The following MAK variants were observed in gnomAD, a reference collection of about 807,000 sequenced individuals.
MAK encodes serine/threonine-protein kinase MAK.
Under a neutral mutation model 82.6 loss-of-function variants are expected in MAK, and 65 were observed. The ratio of observed to expected loss-of-function variants is 0.79; its 90% CI spans 0.64 to 0.97. MAK has a LOEUF of 0.97. Ranked by LOEUF, MAK falls within the 50% of genes least tolerant of loss-of-function variation. MAK has a pLI of 0.00. For missense variants in MAK, 703 were observed against 780.2 expected (o/e 0.90, Z 1.18); for synonymous variants, 250 against 274.2 (o/e 0.91, Z 0.87).
At chr6:10,777,246 A>G (rs1773538912) in intron 11 of MAK, among the ~76,000 whole-genome samples, 1 of 151,938 alleles carries the variant, frequency 6.6e-6, no homozygotes, top group South Asian at 2.1e-4. Flanking sequence ...GTCTCTACTA[A>G]AAGAATACAA....
chr6:10,822,088 A>T (rs536687913), intron 2 of MAK, among the ~76,000 whole-genome samples: 4 of 144,254 alleles, frequency 2.8e-5, no homozygotes, highest in Non-Finnish European at 6.0e-5. Flanking sequence ...CAGAGCTTGC[A>T]GTGAGCTGAG....
chr6:10,808,055 G>A (rs756416047), intron 6 of MAK, among the ~76,000 whole-genome samples: 36 of 151,426 alleles, frequency 2.4e-4, no homozygotes, highest in Admixed American at 8.6e-4. Flanking sequence ...GCGAGAGAGC[G>A]AAACTCCATC....
At chr6:10,825,319 C>T (rs528724093) in intron 2 of MAK, among the ~76,000 whole-genome samples, 26 of 152,294 alleles carry the variant, frequency 1.7e-4, no homozygotes, top group African/African-American at 6.3e-4. Context: ...CTTCTTGATA[C>T]GTGCTTCTGC....
chr6:10,782,216 AC>A (rs1774055227), intron 11 of MAK, among the ~76,000 whole-genome samples: 2 of 13,466 alleles, frequency 1.5e-4, no homozygotes, highest in Non-Finnish European at 3.5e-4. Context: ...ACACACACAC[AC>A]ACACACACAC....
intron 1 of MAK, among the ~76,000 whole-genome samples, chr6:10,833,957 G>A (rs187696418): frequency 3.2e-4 from 48 of 152,192 alleles, no homozygotes; most frequent in Admixed American, 3.1e-3. Flanking sequence ...TCTCTGCACG[G>A]TTCCTAATCA....
intron 5 of MAK, among the ~76,000 whole-genome samples, chr6:10,810,112 A>AG (rs1213741274): frequency 7.2e-6 from 1 of 138,944 alleles, no homozygotes; most frequent in Admixed American, 7.3e-5. Flanking sequence ...AAAAAAAAAA[A>AG]AAAGAAAGAA....
chr6:10,784,334 C>CT, intron 11 of MAK, 90 bp downstream of exon 11: 1 of 1,448,886 alleles, frequency 6.9e-7, no homozygotes, highest in Non-Finnish European at 9.7e-7. Flanking sequence ...TTTTGCTTCA[C>CT]TGCTGCCCTT....
At chr6:10,770,267 G>T in intron 13 of MAK, 37 bp from the exon 14 acceptor site, 1 of 1,611,146 alleles carries the variant, frequency 6.2e-7, no homozygotes, top group African/African-American at 1.3e-5. Context: ...GTCAGAAGGT[G>T]AATATTTTAG....
chr6:10,834,058 C>A (rs536612553), intron 1 of MAK, among the ~76,000 whole-genome samples: 1 of 152,140 alleles, frequency 6.6e-6, no homozygotes, highest in Non-Finnish European at 1.5e-5. Context: ...TTTTGTACTA[C>A]GTTAAACAAA....
Position 10,791,660 on chromosome 6 carries a change from A to T in MAK, c.1316+15T>A. The T allele has an allele frequency of 6.2e-7, 1 of 1,609,324 alleles. No homozygotes were observed. The highest frequency in any genetic ancestry group is 8.5e-7 in the Non-Finnish European group (1 of 1,176,490). On this transcript the variant is annotated intron_variant, in intron 10 of 14. Coordinates refer to ENST00000354489, the MANE Select transcript of MAK (RefSeq NM_001242957.3). ...GCATGGCAAAAATATTTTTCTGAGG[A>T]ATTTGAAATCTTACCGAAATGGAGA...
intron 2 of MAK, among the ~76,000 whole-genome samples, chr6:10,822,139 T>A (rs1326253184): frequency 1.1e-5 from 1 of 87,532 alleles, no homozygotes; most frequent in African/African-American, 5.0e-5. Context: ...AGAGCGAGAC[T>A]CCGTCTCAAA....
chr6:10,799,253 CTAAG>C (rs1775824772), intron 8 of MAK, among the ~76,000 whole-genome samples: 1 of 152,162 alleles, frequency 6.6e-6, no homozygotes, highest in Non-Finnish European at 1.5e-5. Flanking sequence ...CTTTCTCTTA[CTAAG>C]AGAGATAAAT....
At chr6:10,780,451 TG>T (rs1404134366) in intron 11 of MAK, among the ~76,000 whole-genome samples, 5 of 124,420 alleles carry the variant, frequency 4.0e-5, no homozygotes, top group Non-Finnish European at 6.4e-5. Context: ...TGAAATGTAC[TG>T]GTTTTTTTTT....
rs1260284764 is a variant in MAK at position 10,764,645 on chromosome 6, T to C, written c.1793-39A>G. On this transcript the variant is annotated intron_variant, in intron 14 of 14. Coordinates refer to ENST00000354489, the MANE Select transcript of MAK (RefSeq NM_001242957.3). Reference sequence around the variant, plus strand: ...GATTTGGAAAACAGGGTTTTACTCATTTGCTTATCAAACTCAAAATAAAGA... The same window carrying C: ...GATTTGGAAAACAGGGTTTTACTCACTTGCTTATCAAACTCAAAATAAAGA... 3.2e-6 allele frequency: 5 copies of C among 1,579,394 alleles called. No homozygotes were observed. In the African/African-American group the frequency reaches 6.7e-5, roughly 21 times the overall value.
intron 4 of MAK, among the ~76,000 whole-genome samples, 166 bp downstream of exon 4, chr6:10,817,684 T>A (rs529237745): frequency 2.0e-5 from 3 of 152,262 alleles, no homozygotes; most frequent in African/African-American, 4.8e-5. Context: ...ATGTCACAGC[T>A]GGTTCTTCAG....
chr6:10,810,748 C>T (rs972325358), intron 5 of MAK, among the ~76,000 whole-genome samples: 1 of 152,198 alleles, frequency 6.6e-6, no homozygotes, highest in Non-Finnish European at 1.5e-5. Flanking sequence ...TTATCCAGTA[C>T]TTCTTACTCT....
intron 2 of MAK, among the ~76,000 whole-genome samples, chr6:10,825,462 C>T (rs1351248488): frequency 3.3e-5 from 5 of 152,008 alleles, no homozygotes; most frequent in African/African-American, 7.3e-5. Context: ...CATGGTTTCT[C>T]GGTGCCCTAA....
intron 11 of MAK, among the ~76,000 whole-genome samples, chr6:10,778,709 C>T (rs1052576758): frequency 5.3e-5 from 8 of 151,492 alleles, no homozygotes; most frequent in Admixed American, 3.3e-4. Flanking sequence ...TTTTGTGTGC[C>T]GTGTTAAGAA....
chr6:10,798,443 C>A (rs1181208601), intron 8 of MAK, among the ~76,000 whole-genome samples: 2 of 151,956 alleles, frequency 1.3e-5, no homozygotes, highest in African/African-American at 2.4e-5. Flanking sequence ...CTTTAAGATA[C>A]CAGTTACTAT....
Sources: allele counts gnomAD v4.1 joint callset (sites outside exome capture counted in the v4.1 genomes callset), GRCh38; gene constraint gnomAD v4.1.1; transcripts MANE v1.5; gene names NCBI Gene and HGNC (gene_info 2026-07-23, HGNC 2026-07-21).